Variants in MSN observed in about 807,000 individuals in gnomAD.
MSN encodes moesin.
A neutral mutation model predicts 48.0 loss-of-function variants in MSN; 2 were observed. That is an observed-to-expected ratio of 0.04 (90% CI 0.02 to 0.13). MSN has a LOEUF of 0.13. Ranked by LOEUF, MSN falls within the 10% of genes least tolerant of loss-of-function variation. The pLI is 1.00. For synonymous variants in MSN, 146 were observed against 166.9 expected (o/e 0.87, Z 0.97); for missense variants, 267 against 470.1 (o/e 0.57, Z 3.99).
At chrX:65,731,615 A>G (rs1359380749) in intron 5 of MSN, among the ~76,000 whole-genome samples, 1 of 110,655 alleles carries the variant, frequency 9.0e-6, no homozygotes, top group African/African-American at 3.3e-5. Context: ...GGGTCAGCCC[A>G]TCTTTATTCC....
chrX:65,690,683 C>T (rs1393819845), intron 1 of MSN, among the ~76,000 whole-genome samples: 3 of 111,748 alleles, frequency 2.7e-5, no homozygotes, highest in Non-Finnish European at 5.6e-5. Flanking sequence ...AGCCCTGTCT[C>T]AGTGTCCAAG....
intron 1 of MSN, among the ~76,000 whole-genome samples, chrX:65,652,025 T>A (rs1430464753): frequency 9.3e-6 from 1 of 107,830 alleles, no homozygotes; most frequent in African/African-American, 3.4e-5. Flanking sequence ...CAAAGGTGGG[T>A]GGATCACTTG....
intron 1 of MSN, among the ~76,000 whole-genome samples, chrX:65,635,168 C>G (rs2070589239): frequency 9.0e-6 from 1 of 111,273 alleles, no homozygotes; most frequent in South Asian, 3.8e-4. Flanking sequence ...GTCTCTTGGA[C>G]TGTTTCTCCT....
intron 1 of MSN, among the ~76,000 whole-genome samples, chrX:65,670,914 A>ATATATATATATATATT (rs2070930654): frequency 2.6e-5 from 1 of 39,082 alleles, no homozygotes; most frequent in African/African-American, 9.9e-5. Context: ...ATATATATAT[A>ATATATATATATATATT]TATATATATA....
At chrX:65,676,246 C>T (rs890379227) in intron 1 of MSN, among the ~76,000 whole-genome samples, 17 of 111,413 alleles carry the variant, frequency 1.5e-4, no homozygotes, top group Admixed American at 1.3e-3. Flanking sequence ...GCCTTTTGGG[C>T]GACTTTCAAA....
intron 1 of MSN, among the ~76,000 whole-genome samples, chrX:65,687,838 C>T (rs1276292619): frequency 8.9e-6 from 1 of 111,798 alleles, no homozygotes; most frequent in Non-Finnish European, 1.9e-5. Context: ...TCACACTCTA[C>T]TGAGATTGTC....
chrX:65,706,707 C>T (rs189573824), intron 1 of MSN, among the ~76,000 whole-genome samples: 5 of 111,933 alleles, frequency 4.5e-5, no homozygotes, highest in East Asian at 5.6e-4. Flanking sequence ...CCAGAAGACC[C>T]GCCTCCACTA....
intron 1 of MSN, among the ~76,000 whole-genome samples, chrX:65,606,316 A>G (rs2070278934): frequency 9.4e-6 from 1 of 106,530 alleles, no homozygotes; most frequent in Admixed American, 1.0e-4. Flanking sequence ...TTTAGTAGAG[A>G]TGGGGTTTCA....
chrX:65,670,928 A>T (rs867973492), intron 1 of MSN, among the ~76,000 whole-genome samples: 1 of 59,459 alleles, frequency 1.7e-5, no homozygotes, highest in African/African-American at 5.9e-5. Flanking sequence ...ATATATATAT[A>T]TATATATATA....
chrX:65,706,539 GT>G (rs745907574), intron 1 of MSN, among the ~76,000 whole-genome samples: 1 of 112,163 alleles, frequency 8.9e-6, no homozygotes, highest in Non-Finnish European at 1.9e-5. Flanking sequence ...CTCTGCCCCA[GT>G]GAGACAAGGG....
Position 65,740,969 on chromosome X carries a change from G to A in MSN, c.*1076G>A, listed in dbSNP as rs146220578. The stretch of plus-strand genomic sequence containing the variant: ...TGGCATCTAGAGCTTGATGCCAGTA[G>A]GCTCAACTAGGGAGTGAGTGCAAAA... On this transcript the variant is annotated 3_prime_UTR_variant, in exon 13 of 13. Transcript: ENST00000360270. The A allele has an allele frequency of 3.8e-3, 637 of 169,006 alleles. 1 individual carries two copies. The highest frequency in any genetic ancestry group is 0.033 in the Middle Eastern group (17 of 520). 13.9% of individuals were successfully genotyped at this position (169,006 alleles called of 1,213,427 possible). A position where few individuals can be genotyped will look rare whatever the true frequency, so the allele number is the denominator to read the frequency against.
chrX:65,692,392 C>G (rs2071182730), intron 1 of MSN, among the ~76,000 whole-genome samples: 1 of 112,559 alleles, frequency 8.9e-6, no homozygotes, highest in Non-Finnish European at 1.9e-5. Context: ...CTGCCAGTGC[C>G]TTTGCATAGG....
At chrX:65,613,642 A>C (rs1406312262) in intron 1 of MSN, among the ~76,000 whole-genome samples, 1 of 112,259 alleles carries the variant, frequency 8.9e-6, no homozygotes, top group Non-Finnish European at 1.9e-5. Flanking sequence ...TCTTTTTTTC[A>C]TAAGTTTGTT....
intron 1 of MSN, among the ~76,000 whole-genome samples, chrX:65,633,567 C>A (rs2070575428): frequency 1.8e-5 from 2 of 111,856 alleles, no homozygotes; most frequent in African/African-American, 6.5e-5. Context: ...GGCTTTCCTG[C>A]TCTCTCCTTT....
intron 1 of MSN, among the ~76,000 whole-genome samples, chrX:65,617,340 C>T (rs1305084358): frequency 9.1e-6 from 1 of 110,326 alleles, no homozygotes; most frequent in Non-Finnish European, 1.9e-5. Context: ...TGGTCCTGGA[C>T]TTTTTTTGGT....
At chrX:65,643,761 A>G (rs929644268) in intron 1 of MSN, among the ~76,000 whole-genome samples, 5 of 110,923 alleles carry the variant, frequency 4.5e-5, no homozygotes, top group Non-Finnish European at 9.4e-5. Context: ...GTCAGGTGGG[A>G]CCCACTGGGA....
intron 1 of MSN, among the ~76,000 whole-genome samples, chrX:65,607,374 A>G (rs2070286508): frequency 9.0e-6 from 1 of 111,545 alleles, no homozygotes; most frequent in Non-Finnish European, 1.9e-5. Flanking sequence ...GCTATGGAGA[A>G]AACTCCCAGC....
At chrX:65,735,120 C>A in intron 7 of MSN, 147 bp from the exon 8 acceptor site, 1 of 664,814 alleles carries the variant, frequency 1.5e-6, no homozygotes, top group Non-Finnish European at 2.3e-6. Flanking sequence ...AGTCACTTTA[C>A]CACTCTGATA....
At chrX:65,669,347 G>A (rs2070907756) in intron 1 of MSN, among the ~76,000 whole-genome samples, 1 of 111,066 alleles carries the variant, frequency 9.0e-6, no homozygotes, top group Admixed American at 9.6e-5. Flanking sequence ...GTGCGGCTTT[G>A]CCTGAACAGT....
Sources: gnomAD v4.1 joint callset for allele counts (sites outside exome capture counted in the v4.1 genomes callset) on GRCh38, gnomAD v4.1.1 for gene constraint, MANE v1.5 for transcripts, NCBI Gene and HGNC (gene_info 2026-07-23, HGNC 2026-07-21) for gene names.